RFTN1: variants seen among roughly 807,000 people sequenced by gnomAD.
RFTN1 encodes raftlin.
A neutral mutation model predicts 46.5 loss-of-function variants in RFTN1; 26 were observed. That is an observed-to-expected ratio of 0.56 (90% CI 0.41 to 0.78). The LOEUF (loss-of-function observed/expected upper bound fraction) is 0.78. Among genes scored for constraint, RFTN1 ranks in the 30% least tolerant of loss-of-function variants. The pLI is 0.00. For synonymous variants in RFTN1, 261 were observed against 284.2 expected (o/e 0.92, Z 0.82); for missense variants, 693 against 718.7 (o/e 0.96, Z 0.41).
chr3:16,364,446 A>G (rs2073027231), intron 6 of RFTN1, among the ~76,000 whole-genome samples: 1 of 152,184 alleles, frequency 6.6e-6, no homozygotes, highest in South Asian at 2.1e-4. Flanking sequence ...AGCTACTACT[A>G]TGGTGAAGCA....
chr3:16,466,774 A>G lies in RFTN1; in HGVS notation c.145+26951T>C, dbSNP rs2076100375. Among the ~76,000 whole-genome samples the G allele has an allele frequency of 1.3e-5, 2 of 152,338 alleles. No individual in the cohort carries two copies. The highest frequency in any genetic ancestry group is 2.9e-5 in the Non-Finnish European group (2 of 68,026). The stretch of plus-strand genomic sequence containing the variant: ...TAGACACTCATGTACACAGAGACAC[A>G]CACACTGAGACACACATACACAGAC... On this transcript the variant is annotated intron_variant, in intron 2 of 9. Transcript: ENST00000334133. The surrounding 1 kb of genome is among the most constrained non-coding windows in gnomAD (Gnocchi z 5.6).
At chr3:16,373,936 C>T (rs1327098957) in intron 5 of RFTN1, among the ~76,000 whole-genome samples, 1 of 152,210 alleles carries the variant, frequency 6.6e-6, no homozygotes, top group Non-Finnish European at 1.5e-5. Flanking sequence ...CTGGGCAAGG[C>T]TGCTCAAGCT....
chr3:16,435,918 A>ATATATATC (rs1491292843), intron 2 of RFTN1, among the ~76,000 whole-genome samples: 80 of 1,348 alleles, frequency 0.059, no homozygotes, highest in Admixed American at 0.095. Flanking sequence ...AGAGATGTAA[A>ATATATATC]TATATATATA....
In RFTN1 at chr3:16,377,789, T is replaced by A; in HGVS notation, c.755A>T (p.Gln252Leu). Reference protein sequence around the residue: ...GEGDGGELSPQGVSKTLDGPE... With the variant: ...GEGDGGELSPLGVSKTLDGPE... The stretch of plus-strand genomic sequence containing the variant: ...TCCATCCAGTGTCTTGCTCACCCCC[T>A]GTGGTGAAAGTTCTCCACCATCTCC... The change falls in exon 5 of 10, where the codon CAG becomes CTG. Residue 252 changes from glutamine to leucine, a missense_variant. Physicochemically the swap from Gln to Leu is moderately radical, Grantham distance 113. Coordinates refer to ENST00000334133, the MANE Select transcript of RFTN1 (RefSeq NM_015150.2). 6.2e-7 allele frequency: 1 copy of A among 1,614,198 alleles called. No individual in the cohort carries two copies. Among genetic ancestry groups the A allele is most frequent in the Non-Finnish European group, 8.5e-7 (1 of 1,180,016 alleles).
Position 16,452,136 on chromosome 3 carries a change from T to G in RFTN1, c.146-18099A>C, listed in dbSNP as rs2075831270. Among the ~76,000 whole-genome samples the G allele has an allele frequency of 6.6e-6, 1 of 152,202 alleles. No individual in the cohort carries two copies. Among genetic ancestry groups the G allele is most frequent in the Admixed American group, 6.5e-5 (1 of 15,278 alleles). On this transcript the variant is annotated intron_variant, in intron 2 of 9. Transcript: ENST00000334133. This position sits in a 1 kb window ranked among gnomAD's most constrained non-coding sequence, Gnocchi z 6.3. ...ACTTATGCATTATTTCTAGAATTTTTCATTTCATATTTTGGAAACACGGTT... is the reference window on the plus strand; with the variant it reads ...ACTTATGCATTATTTCTAGAATTTTGCATTTCATATTTTGGAAACACGGTT...
intron 1 of RFTN1, among the ~76,000 whole-genome samples, chr3:16,508,100 T>C (rs2076840489): frequency 6.6e-6 from 1 of 152,198 alleles, no homozygotes; most frequent in South Asian, 2.1e-4. Context: ...CTTATGTTGA[T>C]TTCCCACTTC....
rs916816737 is a variant in RFTN1, at chr3:16,407,043, T to G, written c.441+2332A>C. Among the ~76,000 whole-genome samples the G allele has an allele frequency of 6.6e-6, 1 of 152,168 alleles. No homozygotes were observed. Among genetic ancestry groups the G allele is most frequent in the Non-Finnish European group, 1.5e-5 (1 of 68,020 alleles). ...CCACTGGACAGATGGACATCTCCAC[T>G]TGGGTACTACAGAAACAACACCCCA... On this transcript the variant is annotated intron_variant, in intron 4 of 9. Coordinates refer to ENST00000334133, the MANE Select transcript of RFTN1 (RefSeq NM_015150.2). The surrounding 1 kb of genome is among the most constrained non-coding windows in gnomAD (Gnocchi z 4.0).
In RFTN1 at chr3:16,451,423, T is replaced by TGTAGGCTAACCAACAGCTGGCTA. The variant is rs2075822072; in HGVS notation, c.146-17409_146-17387dup. ...TGACTTTCTGCTTCATTAGCTGGCT[T>TGTAGGCTAACCAACAGCTGGCTA]GTAGGCTAACCAACAGCTGGCTAGG... On this transcript the variant is annotated intron_variant, in intron 2 of 9. Coordinates refer to ENST00000334133, the MANE Select transcript of RFTN1 (RefSeq NM_015150.2). This position sits in a 1 kb window ranked among gnomAD's most constrained non-coding sequence, Gnocchi z 4.2. 6.6e-6 allele frequency among the ~76,000 whole-genome samples: 1 copy of TGTAGGCTAACCAACAGCTGGCTA among 152,222 alleles called. No homozygotes were observed. Among genetic ancestry groups the TGTAGGCTAACCAACAGCTGGCTA allele is most frequent in the South Asian group, 2.1e-4 (1 of 4,834 alleles).
chr3:16,437,259 G>T (rs1000760521), intron 2 of RFTN1, among the ~76,000 whole-genome samples: 1 of 152,156 alleles, frequency 6.6e-6, no homozygotes, highest in African/African-American at 2.4e-5. Context: ...CATCGTGGTG[G>T]GAGTGAACCT....
chr3:16,403,302 G>A (rs1028672671), intron 4 of RFTN1, among the ~76,000 whole-genome samples: 1 of 151,808 alleles, frequency 6.6e-6, no homozygotes, highest in Non-Finnish European at 1.5e-5. Flanking sequence ...TCATATCTCA[G>A]TCCTGCCATG....
At chr3:16,349,289 G>A (rs536253069) in intron 7 of RFTN1, 1 of 152,364 alleles carries the variant, frequency 6.6e-6, no homozygotes, top group East Asian at 1.9e-4. Flanking sequence ...GGCTCCAGGT[G>A]GACTTGTCAC....
intron 4 of RFTN1, among the ~76,000 whole-genome samples, chr3:16,391,556 C>T (rs138817548): frequency 2.2e-4 from 33 of 152,204 alleles, no homozygotes; most frequent in African/African-American, 7.9e-4. Context: ...AAAATAATAG[C>T]CCTTATATTG....
At position 16,381,871 on chromosome 3, in the gene RFTN1, C is replaced by T. The variant is rs963015740; in HGVS notation, c.442-3769G>A. Among the ~76,000 whole-genome samples the T allele has an allele frequency of 2.0e-5, 3 of 152,110 alleles. No individual in the cohort carries two copies. The highest frequency in any genetic ancestry group is 4.4e-5 in the Non-Finnish European group (3 of 68,020). The stretch of plus-strand genomic sequence containing the variant: ...ATGCCCGCAAAGGCTCTCAGTTCAC[C>T]CTGCAGGCCAGCATATCCGACTCTC... On this transcript the variant is annotated intron_variant, in intron 4 of 9. Transcript: ENST00000334133. The surrounding 1 kb of genome is among the most constrained non-coding windows in gnomAD (Gnocchi z 4.2).
intron 2 of RFTN1, among the ~76,000 whole-genome samples, chr3:16,435,577 C>CA (rs1448161813): frequency 4.6e-5 from 7 of 151,614 alleles, no homozygotes; most frequent in African/African-American, 7.3e-5. Context: ...TCTCAAAAAG[C>CA]AAAAAAACAA....
rs1575172594 is a variant in RFTN1 at position 16,376,432 on chromosome 3, C to A, written c.826+1286G>T. Among the ~76,000 whole-genome samples, 3 of 152,090 alleles carry A rather than the reference C, an allele frequency of 2.0e-5. No individual in the cohort carries two copies. The highest frequency in any genetic ancestry group is 4.4e-5 in the Non-Finnish European group (3 of 68,020). On this transcript the variant is annotated intron_variant, in intron 5 of 9. Transcript: ENST00000334133. This position sits in a 1 kb window ranked among gnomAD's most constrained non-coding sequence, Gnocchi z 4.7. ...CTCTCGCCCTCCCACAGTCCTGGAC[C>A]GTACAGAAGGACTCCAGTGAGGTCC...
chr3:16,357,114 CAA>C lies in RFTN1; in HGVS notation c.1146+816_1146+817del, dbSNP rs10563071. On this transcript the variant is annotated intron_variant, in intron 7 of 9. Coordinates refer to ENST00000334133, the MANE Select transcript of RFTN1 (RefSeq NM_015150.2). The stretch of plus-strand genomic sequence containing the variant: ...TGGGCGACAGAGCAAGATGCCATCT[CAA>C]AAAAAAAAAAAACAAAAAAACAAAC... Among the ~76,000 whole-genome samples, 441 of 133,586 alleles carry C rather than the reference CAA, an allele frequency of 3.3e-3. 3 individuals carry two copies. The highest frequency in any genetic ancestry group is 9.7e-3 in the African/African-American group (353 of 36,384). The allele number at this position is 133,586 out of a possible 152,430, so 87.6% of individuals were successfully genotyped here. A position where few individuals can be genotyped will look rare whatever the true frequency, so the allele number is the denominator to read the frequency against.
rs2074960179 is a variant in RFTN1, at chr3:16,410,363, T to C, written c.333-880A>G. Among the ~76,000 whole-genome samples, 1 of 151,788 alleles carries C rather than the reference T, an allele frequency of 6.6e-6. No homozygotes were observed. Among genetic ancestry groups the C allele is most frequent in the Non-Finnish European group, 1.5e-5 (1 of 67,932 alleles). On this transcript the variant is annotated intron_variant, in intron 3 of 9. Coordinates refer to ENST00000334133, the MANE Select transcript of RFTN1 (RefSeq NM_015150.2). This position sits in a 1 kb window ranked among gnomAD's most constrained non-coding sequence, Gnocchi z 4.6. Reference sequence around the variant, plus strand: ...CCAAACCAATAATAGCAGGTACCCCTGGGGAATGGGGAAGGCTTATGTGGA... The same window carrying C: ...CCAAACCAATAATAGCAGGTACCCCCGGGGAATGGGGAAGGCTTATGTGGA...
At position 16,484,249 on chromosome 3, in the gene RFTN1, A is replaced by G. The variant is rs994538545; in HGVS notation, c.145+9476T>C. On this transcript the variant is annotated intron_variant, in intron 2 of 9. Transcript: ENST00000334133. The surrounding 1 kb of genome is among the most constrained non-coding windows in gnomAD (Gnocchi z 4.6). ...GACTGAAAGGACAACTCTTATAAAC[A>G]ATGATTATCAGCTGCTTCTGTAGTT... Among the ~76,000 whole-genome samples the G allele has an allele frequency of 2.6e-5, 4 of 152,186 alleles. No homozygotes were observed. The highest frequency in any genetic ancestry group is 9.7e-5 in the African/African-American group (4 of 41,434).
chr3:16,319,574 A>G (rs976761394), intron 9 of RFTN1, among the ~76,000 whole-genome samples: 10 of 152,184 alleles, frequency 6.6e-5, no homozygotes, highest in Non-Finnish European at 7.4e-5. Context: ...TAGACCTTCC[A>G]TCTAATATGA....
Sources: gnomAD v4.1 joint callset for allele counts (sites outside exome capture counted in the v4.1 genomes callset) on GRCh38, gnomAD v4.1.1 for gene constraint, Gnocchi (gnomAD v3.1) non-coding constraint, MANE v1.5 for transcripts, NCBI Gene and HGNC (gene_info 2026-07-23, HGNC 2026-07-21) for gene names.